KCNH1: variants seen among roughly 807,000 people sequenced by gnomAD.
KCNH1 encodes the protein potassium voltage-gated channel subfamily H member 1, also known as voltage-gated delayed rectifier potassium channel KCNH1.
A neutral mutation model predicts 69.2 loss-of-function variants in KCNH1; 27 were observed. The observed-to-expected ratio is 0.39, with a 90% CI of 0.29 to 0.54. The LOEUF (loss-of-function observed/expected upper bound fraction) is 0.54, where lower values mean the gene tolerates loss of function less well. Ranked by LOEUF, KCNH1 falls within the 20% of genes least tolerant of loss-of-function variation. The pLI, the probability that KCNH1 is intolerant of heterozygous loss-of-function variation, is 0.68. For synonymous variants in KCNH1, 456 were observed against 487.7 expected (o/e 0.93, Z 0.86); for missense variants, 798 against 1,261.6 (o/e 0.63, Z 5.57).
At chr1:210,725,539 T>C (rs1256947519) in intron 10 of KCNH1, among the ~76,000 whole-genome samples, 1 of 151,912 alleles carries the variant, frequency 6.6e-6, no homozygotes, top group Non-Finnish European at 1.5e-5. Context: ...AGTCTGGGGG[T>C]AGGGGGTGAT....
chr1:210,851,708 G>A (rs1160734404), intron 7 of KCNH1, among the ~76,000 whole-genome samples: 3 of 152,186 alleles, frequency 2.0e-5, no homozygotes, highest in African/African-American at 7.2e-5. Flanking sequence ...TTGCTCCTAG[G>A]CTACAAACCT....
intron 3 of KCNH1, among the ~76,000 whole-genome samples, chr1:211,100,239 G>C (rs745408660): frequency 1.3e-5 from 2 of 152,036 alleles, no homozygotes; most frequent in South Asian, 4.2e-4. Context: ...CACCTCCACC[G>C]CCTTCTCCAC....
chr1:210,694,934 C>A (rs1474441654), intron 10 of KCNH1, among the ~76,000 whole-genome samples: 2 of 152,306 alleles, frequency 1.3e-5, no homozygotes, highest in East Asian at 1.9e-4. Flanking sequence ...GCTTTCCCAG[C>A]CTGAGCTGAT....
chr1:211,100,279 T>C (rs1476088758), intron 3 of KCNH1, among the ~76,000 whole-genome samples: 1 of 152,166 alleles, frequency 6.6e-6, no homozygotes, highest in African/African-American at 2.4e-5. Flanking sequence ...GATTCTAAAC[T>C]ATTTAACTTG....
intron 10 of KCNH1, among the ~76,000 whole-genome samples, chr1:210,758,247 T>C (rs186512595): frequency 2.2e-4 from 33 of 152,210 alleles, no homozygotes; most frequent in Non-Finnish European, 4.3e-4. Flanking sequence ...AGCCCAGAGA[T>C]TGGAGTGCTT....
chr1:210,684,206 G>A, intron 10 of KCNH1, 68 bp from the exon 11 acceptor site: 1 of 1,442,038 alleles, frequency 6.9e-7, no homozygotes, highest in South Asian at 1.6e-5. Context: ...GCCCAGCTCA[G>A]CCCTTCTGCC....
chr1:210,771,227 C>T (rs1248055661), intron 10 of KCNH1, among the ~76,000 whole-genome samples: 1 of 152,206 alleles, frequency 6.6e-6, no homozygotes, highest in East Asian at 1.9e-4. Flanking sequence ...CCCTTCTTTT[C>T]ATGAATAGCC....
chr1:210,969,957 C>T (rs564545177), intron 6 of KCNH1, among the ~76,000 whole-genome samples: 2 of 152,056 alleles, frequency 1.3e-5, no homozygotes, highest in Non-Finnish European at 2.9e-5. Context: ...AGTACAGTGA[C>T]ATGATATCTG....
At chr1:210,846,710 A>T (rs983582548) in intron 7 of KCNH1, among the ~76,000 whole-genome samples, 1 of 152,152 alleles carries the variant, frequency 6.6e-6, no homozygotes, top group Non-Finnish European at 1.5e-5. Flanking sequence ...CAATGGCAAC[A>T]AAAGCCAAAA....
intron 7 of KCNH1, among the ~76,000 whole-genome samples, chr1:210,832,531 T>C (rs1022646003): frequency 6.6e-6 from 1 of 152,196 alleles, no homozygotes; most frequent in Admixed American, 6.6e-5. Flanking sequence ...TAAATTCATT[T>C]TTAAAACTAA....
intron 5 of KCNH1, among the ~76,000 whole-genome samples, chr1:211,047,380 C>T (rs915155383): frequency 2.7e-4 from 41 of 152,154 alleles, no homozygotes; most frequent in African/African-American, 9.4e-4. Flanking sequence ...TGTGTACATG[C>T]AAAACCGTGA....
At chr1:210,797,367 T>G in intron 9 of KCNH1, 141 bp downstream of exon 9, 3 of 907,176 alleles carry the variant, frequency 3.3e-6, no homozygotes, top group Non-Finnish European at 5.2e-6. Context: ...CGCCGTTTGA[T>G]TGTTGGATAG....
rs1203255944 is a variant in KCNH1 at position 210,987,902 on chromosome 1, A to G, written c.1032+30881T>C. On this transcript the variant is annotated intron_variant, in intron 6 of 10. Transcript: ENST00000271751. ...AGAGGTGGAGCCTACAGAGGCAGGCAGACCTCCTTGAGCTGTAGTGGGCTC... is the reference window on the plus strand; with the variant it reads ...AGAGGTGGAGCCTACAGAGGCAGGCGGACCTCCTTGAGCTGTAGTGGGCTC... Among the ~76,000 whole-genome samples, 3 of 152,224 alleles carry G rather than the reference A, an allele frequency of 2.0e-5. No homozygotes were observed. In the East Asian group the frequency reaches 5.8e-4, roughly 29 times the overall value.
intron 3 of KCNH1, among the ~76,000 whole-genome samples, chr1:211,094,392 C>A (rs1204040308): frequency 6.6e-6 from 1 of 152,200 alleles, no homozygotes. Context: ...GGCCTGGGAG[C>A]TAGGGACCCC....
At chr1:210,738,743 T>G (rs993220771) in intron 10 of KCNH1, among the ~76,000 whole-genome samples, 1 of 151,842 alleles carries the variant, frequency 6.6e-6, no homozygotes, top group African/African-American at 2.4e-5. Context: ...AATTTTTGTA[T>G]TTTTTTGTAA....
chr1:210,758,122 C>T lies in KCNH1; in HGVS notation c.2112+17226G>A, dbSNP rs139655278. On this transcript the variant is annotated intron_variant, in intron 10 of 10. Coordinates refer to ENST00000271751, the MANE Select transcript of KCNH1 (RefSeq NM_172362.3). ...CACAGCTTCTTGCCCATGCTCCTCA[C>T]CTGAGAGGGGCCCTACCTGCTCTAG... Among the ~76,000 whole-genome samples, 236 of 152,358 alleles carry T rather than the reference C, an allele frequency of 1.5e-3. 1 individual carries two copies. The highest frequency in any genetic ancestry group is 5.4e-3 in the African/African-American group (223 of 41,584).
intron 1 of KCNH1, chr1:211,132,523 A>T (rs1691895358): frequency 2.0e-5 from 3 of 152,210 alleles, no homozygotes; most frequent in Non-Finnish European, 4.4e-5. Context: ...AAAGTACTTA[A>T]ATAATACGTG....
intron 6 of KCNH1, among the ~76,000 whole-genome samples, chr1:211,003,802 CT>C (rs1289935202): frequency 6.6e-6 from 1 of 151,964 alleles, no homozygotes; most frequent in Non-Finnish European, 1.5e-5. Context: ...TTCAAATTAC[CT>C]AAAGAAAATA....
At chr1:211,072,469 A>C (rs1346765942) in intron 5 of KCNH1, among the ~76,000 whole-genome samples, 3 of 152,140 alleles carry the variant, frequency 2.0e-5, no homozygotes, top group African/African-American at 7.2e-5. Flanking sequence ...TGAAATTTTT[A>C]TTTTACTTAT....
Sources: gnomAD v4.1 joint callset for allele counts (sites outside exome capture counted in the v4.1 genomes callset) on GRCh38, gnomAD v4.1.1 for gene constraint, MANE v1.5 for transcripts, NCBI Gene and HGNC (gene_info 2026-07-23, HGNC 2026-07-21) for gene names.